The following ADAMTS20 variants were observed in gnomAD, a reference collection of about 807,000 sequenced individuals.
ADAMTS20 encodes the protein A disintegrin and metalloproteinase with thrombospondin motifs 20.
In ADAMTS20, 225 loss-of-function variants were observed where a neutral mutation model predicts 260.1. That is an observed-to-expected ratio of 0.87 (90% CI 0.78 to 0.97). ADAMTS20 has a LOEUF of 0.97. ADAMTS20 is among the 50% of genes least tolerant of loss of function. The pLI, the probability that ADAMTS20 is intolerant of heterozygous loss-of-function variation, is 0.00. For synonymous variants in ADAMTS20, 802 were observed against 769.5 expected (o/e 1.04, Z -0.70); for missense variants, 2,400 against 2,337.7 (o/e 1.03, Z -0.55).
At chr12:43,359,461 AC>A (rs1438272027) in intron 37 of ADAMTS20, among the ~76,000 whole-genome samples, 29 of 152,376 alleles carry the variant, frequency 1.9e-4, no homozygotes, top group African/African-American at 7.0e-4. Context: ...TAATACCAAT[AC>A]AAATTTTCCA....
In ADAMTS20 at chr12:43,432,434, C is replaced by T. The variant is rs767096383; in HGVS notation, c.2966G>A (p.Arg989Gln). 22 of 1,612,876 alleles carry T rather than the reference C, an allele frequency of 1.4e-5. No homozygotes were observed. The highest frequency in any genetic ancestry group is 5.4e-5 in the African/African-American group (4 of 74,554). Residue 989 changes from arginine (R) to glutamine (Q), a missense_variant, in exon 21 of 39, where the codon CGA (arginine) becomes CAA (glutamine). Physicochemically the swap from Arg to Gln is conservative, Grantham distance 43. Transcript: ENST00000389420. ...SRSCGGGERSRESYCMNNFGH... is the reference protein window; with the variant it reads ...SRSCGGGERSQESYCMNNFGH... ...AAAGTTATTCATACAATAAGATTCT[C>T]GAGACCTTTCCCCTCCTCCACAACT...
intron 18 of ADAMTS20, among the ~76,000 whole-genome samples, chr12:43,438,681 C>T (rs767791624): frequency 2.6e-5 from 4 of 152,190 alleles, no homozygotes. Flanking sequence ...CCGCCTCTTG[C>T]TGCCCACTTT....
At chr12:43,374,106 T>C (rs1940169062) in intron 36 of ADAMTS20, among the ~76,000 whole-genome samples, 1 of 152,134 alleles carries the variant, frequency 6.6e-6, no homozygotes, top group East Asian at 1.9e-4. Context: ...TAAAGACATA[T>C]GCCCAAAGTC....
At position 43,396,791 on chromosome 12, in the gene ADAMTS20, T is replaced by A. The variant is rs954597846; in HGVS notation, c.4452+2275A>T. 2.6e-5 allele frequency among the ~76,000 whole-genome samples: 4 copies of A among 152,180 alleles called. No homozygotes were observed. The East Asian group carries it at 7.7e-4, about 29-fold the overall frequency. ...TTACCACGGATGATGGATTCACTAT[T>A]GTGGAGCTGGAGGTTCAGAGACAGA... On this transcript the variant is annotated intron_variant, in intron 29 of 38. Coordinates refer to ENST00000389420, the MANE Select transcript of ADAMTS20 (RefSeq NM_025003.5).
intron 29 of ADAMTS20, among the ~76,000 whole-genome samples, chr12:43,395,694 T>G (rs1940686933): frequency 6.7e-6 from 1 of 148,832 alleles, no homozygotes; most frequent in South Asian, 2.1e-4. Context: ...TTTTTTTTTT[T>G]TTTTTTGAGA....
intron 3 of ADAMTS20, among the ~76,000 whole-genome samples, chr12:43,504,066 G>T (rs1222003066): frequency 6.6e-6 from 1 of 152,016 alleles, no homozygotes; most frequent in Non-Finnish European, 1.5e-5. Flanking sequence ...ATTCCTTTGG[G>T]TATATGCCCA....
chr12:43,445,463 AAATATT>A (rs1194730800), intron 15 of ADAMTS20, among the ~76,000 whole-genome samples: 1 of 152,208 alleles, frequency 6.6e-6, no homozygotes, highest in Non-Finnish European at 1.5e-5. Flanking sequence ...ATAAAAACAT[AAATATT>A]AAGTTTTAAA....
intron 3 of ADAMTS20, among the ~76,000 whole-genome samples, chr12:43,525,762 T>C (rs951850279): frequency 1.3e-5 from 2 of 151,514 alleles, no homozygotes; most frequent in Admixed American, 6.6e-5. Context: ...AGCAACAGTA[T>C]AAAAAGAAAA....
chr12:43,370,456 T>C (rs1425092069), intron 36 of ADAMTS20, among the ~76,000 whole-genome samples: 1 of 152,228 alleles, frequency 6.6e-6, no homozygotes, highest in Non-Finnish European at 1.5e-5. Flanking sequence ...TATTTATTTG[T>C]GGCATTTGTG....
chr12:43,423,216 T>C (rs1251314994), intron 28 of ADAMTS20: 1 of 152,540 alleles, frequency 6.6e-6, no homozygotes, highest in African/African-American at 2.4e-5. Context: ...TTGCAACTAA[T>C]CAATGCTACT....
chr12:43,544,781 G>A (rs971219231), intron 2 of ADAMTS20, among the ~76,000 whole-genome samples: 1 of 152,116 alleles, frequency 6.6e-6, no homozygotes, highest in Admixed American at 6.5e-5. Context: ...TTGGTTAACA[G>A]CCACAAGATC....
At position 43,439,643 on chromosome 12, in the gene ADAMTS20, C is replaced by T. The variant is rs534738803; in HGVS notation, c.2572G>A (p.Gly858Ser). The change falls in exon 18 of 39, where the codon GGC (glycine) becomes AGC (serine). Residue 858 changes from glycine to serine, a missense_variant. Transcript: ENST00000389420. ...GTACCTTGACACATTTTGGTACAGC[C>T]TTCCCATGGTCCATAGGGGTCCCAT... Reference protein sequence around the residue: ...FTWDPYGPWEGCTKMCQGLQR... With the variant: ...FTWDPYGPWESCTKMCQGLQR... 6.2e-6 allele frequency: 10 copies of T among 1,609,664 alleles called. No individual in the cohort carries two copies. The highest frequency in any genetic ancestry group is 1.7e-5 in the Admixed American group (1 of 58,892).
intron 10 of ADAMTS20, among the ~76,000 whole-genome samples, chr12:43,464,080 C>A (rs1164949944): frequency 1.3e-5 from 2 of 152,028 alleles, no homozygotes; most frequent in Non-Finnish European, 2.9e-5. Context: ...ATTTCAATGA[C>A]AAAGGTATCT....
chr12:43,413,095 C>T (rs1941064709), intron 28 of ADAMTS20, among the ~76,000 whole-genome samples: 1 of 152,102 alleles, frequency 6.6e-6, no homozygotes, highest in Non-Finnish European at 1.5e-5. Flanking sequence ...AGGCATGAGC[C>T]ACCGTGCCTG....
intron 3 of ADAMTS20, among the ~76,000 whole-genome samples, chr12:43,506,171 T>C (rs1942839053): frequency 6.7e-6 from 1 of 148,940 alleles, no homozygotes. Flanking sequence ...AGGAAGGACA[T>C]GCTGTGACAT....
intron 36 of ADAMTS20, among the ~76,000 whole-genome samples, chr12:43,370,365 C>T (rs541376336): frequency 1.3e-3 from 198 of 152,282 alleles, no homozygotes; most frequent in African/African-American, 4.7e-3. Context: ...AATACATACA[C>T]CATGTATATA....
At chr12:43,384,067 T>G in intron 29 of ADAMTS20, 90 bp from the exon 30 acceptor site, 1 of 1,169,562 alleles carries the variant, frequency 8.6e-7, no homozygotes, top group Non-Finnish European at 1.2e-6. Context: ...TATTATTTAT[T>G]TTAAATACAG....
intron 7 of ADAMTS20, among the ~76,000 whole-genome samples, chr12:43,484,944 G>A (rs1406069245): frequency 6.6e-6 from 1 of 152,054 alleles, no homozygotes; most frequent in African/African-American, 2.4e-5. Context: ...CTCAGGGCCA[G>A]ACGGATTCAC....
chr12:43,353,179 C>T (rs1939671381), downstream of ADAMTS20, among the ~76,000 whole-genome samples: 1 of 151,740 alleles, frequency 6.6e-6, no homozygotes, highest in African/African-American at 2.4e-5. Context: ...ATGAAAAAAA[C>T]TCAATACCTG....
Sources: gnomAD v4.1 joint callset for allele counts (sites outside exome capture counted in the v4.1 genomes callset) on GRCh38, gnomAD v4.1.1 for gene constraint, MANE v1.5 for transcripts, NCBI Gene and HGNC (gene_info 2026-07-23, HGNC 2026-07-21) for gene names.